MAGEC1: variants seen among roughly 807,000 people sequenced by gnomAD.
The protein encoded by MAGEC1 is melanoma-associated antigen C1.
A neutral mutation model predicts 1.5 loss-of-function variants in MAGEC1; 3 were observed. That is an observed-to-expected ratio of 1.97 (90% CI 0.90 to 5.10). The LOEUF (loss-of-function observed/expected upper bound fraction) is 5.10. MAGEC1 is among the 30% of genes most tolerant of loss of function. The probability of loss-of-function intolerance (pLI) is 0.02; values close to 1 mark genes in which losing one functional copy is unlikely to be tolerated. For missense variants in MAGEC1, 985 were observed against 803.1 expected, an observed-to-expected ratio of 1.23 and a Z score of -2.74; for synonymous variants, 357 against 310.4, an observed-to-expected ratio of 1.15 and a Z score of -1.58.
Position 141,908,668 on chromosome X carries a change from G to C in MAGEC1, c.3264G>C (p.Leu1088Phe), listed in dbSNP as rs1337526888. The stretch of plus-strand genomic sequence containing the variant: ...TTAAGAGGAAAGTAGTAGAGTTTTT[G>C]GCCATGCTAAAGAATACCGTCCCTA... ...EVIKRKVVEF[L>F]AMLKNTVPIT... Residue 1088 changes from leucine to phenylalanine, a missense_variant, in exon 4 of 4, where the codon TTG (leucine) becomes TTC (phenylalanine). Physicochemically the swap from Leu to Phe is conservative, Grantham distance 22. Transcript: ENST00000285879. 1.1e-5 allele frequency: 13 copies of C among 1,209,857 alleles called. No homozygotes were observed. The highest frequency in any genetic ancestry group is 1.3e-5 in the Non-Finnish European group (12 of 895,068).
chrX:141,907,759 C>A lies in MAGEC1; in HGVS notation c.2355C>A (p.Tyr785Ter). 8.3e-7 allele frequency: 1 copy of A among 1,209,807 alleles called. No homozygotes were observed. Among genetic ancestry groups the A allele is most frequent in the Non-Finnish European group, 1.1e-6 (1 of 894,896 alleles). Residue 785 changes from tyrosine (Y) to a stop codon, truncating the protein, a stop_gained, in exon 4 of 4, where the codon TAC becomes TAA. Transcript: ENST00000285879. LOFTEE classifies it low-confidence loss of function (END_TRUNC). Reference sequence around the variant, plus strand: ...GACCTGTCAGCTCCTTCTTCTCCTACACTTTAGCGAGTCTTCTCCAAAGTT... The same window carrying A: ...GACCTGTCAGCTCCTTCTTCTCCTAAACTTTAGCGAGTCTTCTCCAAAGTT... ...LQRPVSSFFS[Y>*]TLASLLQSSH...
At chrX:141,905,230 G>A (rs1379149937) in intron 3 of MAGEC1, among the ~76,000 whole-genome samples, 154 bp downstream of exon 3, 1 of 112,357 alleles carries the variant, frequency 8.9e-6, no homozygotes, top group Admixed American at 9.3e-5. Context: ...CCAGCTTTGA[G>A]CAAGGCTTCC....
rs754073009 is a variant in MAGEC1, at chrX:141,905,390, C to G, written c.5-19C>G. ...TTCTTTCTCATCCTCATCCTCCTCTCTGCTTCTGCGTTCTCCAGGGGACAA... is the reference window on the plus strand; with the variant it reads ...TTCTTTCTCATCCTCATCCTCCTCTGTGCTTCTGCGTTCTCCAGGGGACAA... On this transcript the variant is annotated intron_variant, in intron 3 of 3. Transcript: ENST00000285879. 2 of 1,189,772 alleles carry G rather than the reference C, an allele frequency of 1.7e-6. No homozygotes were observed. The highest frequency in any genetic ancestry group is 1.8e-5 in the African/African-American group (1 of 56,718).
Position 141,907,599 on chromosome X carries a change from AG to A in MAGEC1, c.2200del (p.Glu734ArgfsTer11). 8.3e-7 allele frequency: 1 copy of A among 1,205,676 alleles called. No individual in the cohort carries two copies. The highest frequency in any genetic ancestry group is 1.8e-5 in the African/African-American group (1 of 56,035). On this transcript the variant is annotated frameshift_variant, in exon 4 of 4. Coordinates refer to ENST00000285879, the MANE Select transcript of MAGEC1 (RefSeq NM_005462.5). LOFTEE classifies it low-confidence loss of function (END_TRUNC). ...CTCCACTTTCCTCAGTTTCCTCCTC[AG>A]GGGGAGGACTTCCAGTCTTCTCTCC... ...SPLHFPQFPP[Q>X]GEDFQSSLQS...
rs953662118 is a variant in MAGEC1 at position 141,906,010 on chromosome X, G to C, written c.606G>C (p.Val202=). 1 of 1,210,535 alleles carries C rather than the reference G, an allele frequency of 8.3e-7. No homozygotes were observed. Among genetic ancestry groups the C allele is most frequent in the Non-Finnish European group, 1.1e-6 (1 of 894,452 alleles). ...CCCAGTCTCCACTCCAGATTCCTGT[G>C]AGCCGCTCCTTCTCCTCCACTTTAT... The part of the protein sequence containing the change: ...GFPQSPLQIP[V]SRSFSSTLLS... The change falls in exon 4 of 4, where the codon GTG becomes GTC. Residue 202 remains valine, a synonymous_variant. Transcript: ENST00000285879.
rs2018168455 is a variant in MAGEC1, at chrX:141,904,991, T to C, written c.-82T>C. 1 of 1,202,421 alleles carries C rather than the reference T, an allele frequency of 8.3e-7. No homozygotes were observed. Among genetic ancestry groups the C allele is most frequent in the African/African-American group, 1.8e-5 (1 of 56,917 alleles). ...ACAGGTTCCCAGAAGACAAACCCCCTAGGAAGACAGGCGACCTGTGAGGCC... is the reference window on the plus strand; with the variant it reads ...ACAGGTTCCCAGAAGACAAACCCCCCAGGAAGACAGGCGACCTGTGAGGCC... On this transcript the variant is annotated 5_prime_UTR_variant, in exon 3 of 4. Coordinates refer to ENST00000285879, the MANE Select transcript of MAGEC1 (RefSeq NM_005462.5).
In MAGEC1 at chrX:141,905,804, T is replaced by C. The variant is rs1356010525; in HGVS notation, c.400T>C (p.Ser134Pro). The change falls in exon 4 of 4, where the codon TCC (serine) becomes CCC (proline). Residue 134 changes from serine (S) to proline (P), a missense_variant. Transcript: ENST00000285879. ...VQSPLQNPAS[S>P]FFSSALLSIF... ...GTCTCCTCTGCAGAATCCTGCGAGT[T>C]CCTTCTTCTCCTCTGCTTTATTGAG... 3 of 1,212,160 alleles carry C rather than the reference T, an allele frequency of 2.5e-6. No homozygotes were observed.
rs755147410 is a variant in MAGEC1 at position 141,905,474 on chromosome X, A to G, written c.70A>G (p.Ser24Gly). ...CCAGAGTTCCTCTGAGAGTCCTCAG[A>G]GTTGTCCTGAGGGGGAGGACTCCCA... ...LLQSSSESPQ[S>G]CPEGEDSQSP... is the part of the protein sequence containing the mutation. The change falls in exon 4 of 4, where the codon AGT becomes GGT. Residue 24 changes from serine (S) to glycine (G), a missense_variant. Coordinates refer to ENST00000285879, the MANE Select transcript of MAGEC1 (RefSeq NM_005462.5). The G allele has an allele frequency of 8.3e-7, 1 of 1,209,635 alleles. No individual in the cohort carries two copies. The highest frequency in any genetic ancestry group is 1.7e-5 in the African/African-American group (1 of 57,259).
At chrX:141,905,377 C>T (rs1413903482) in intron 3 of MAGEC1, 32 bp from the exon 4 acceptor site, 1 of 1,163,536 alleles carries the variant, frequency 8.6e-7, no homozygotes, top group Non-Finnish European at 1.2e-6. Flanking sequence ...CTTTCTCATC[C>T]TCATCCTCCT....
rs1926901116 is a variant in MAGEC1, at chrX:141,906,488, CAA to C, written c.1086_1087del (p.Ser363TyrfsTer3). On this transcript the variant is annotated frameshift_variant, in exon 4 of 4. Transcript: ENST00000285879. LOFTEE classifies it low-confidence loss of function (END_TRUNC). Reference protein sequence around the residue: ...SIFQSSPESAQSTFEGFPQSP... With the variant: ...SIFQSSPESAXSTFEGFPQSP... ...TTTCCAGAGTTCTCCTGAGAGTGCT[CAA>C]AGTACTTTTGAGGGTTTTCCCCAGT... The C allele has an allele frequency of 8.4e-7, 1 of 1,195,677 alleles. No homozygotes were observed. The highest frequency in any genetic ancestry group is 1.1e-6 in the Non-Finnish European group (1 of 887,592).
In MAGEC1 at chrX:141,908,534, C is replaced by G. The variant is rs755152921; in HGVS notation, c.3130C>G (p.Leu1044Val). ...TGCCTTTGGGGAGCCCAGGGAGCTC[C>G]TCACTAAAGTTTGGGTGCAGGAACA... Reference protein sequence around the residue: ...HFAFGEPRELLTKVWVQEHYL... With the variant: ...HFAFGEPRELVTKVWVQEHYL... Residue 1044 changes from leucine (L) to valine (V), a missense_variant, in exon 4 of 4, where the codon CTC becomes GTC. Coordinates refer to ENST00000285879, the MANE Select transcript of MAGEC1 (RefSeq NM_005462.5). 1.4e-5 allele frequency: 17 copies of G among 1,193,743 alleles called. No individual in the cohort carries two copies. Among genetic ancestry groups the G allele is most frequent in the Non-Finnish European group, 1.7e-5 (15 of 886,299 alleles).
In MAGEC1 at chrX:141,907,305, C is replaced by CCT. The variant is rs1174216052; in HGVS notation, c.1903_1904dup (p.Thr636ProfsTer110). The stretch of plus-strand genomic sequence containing the variant: ...CAGAGCCCTGTGAGCATCTGCTCCT[C>CCT]CTCCACTCCATCCAGTCTTCCCCAG... On this transcript the variant is annotated frameshift_variant, in exon 4 of 4. Transcript: ENST00000285879. LOFTEE classifies it low-confidence loss of function (END_TRUNC). The CCT allele has an allele frequency of 8.3e-7, 1 of 1,208,504 alleles. No homozygotes were observed. Among genetic ancestry groups the CCT allele is most frequent in the South Asian group, 1.8e-5 (1 of 56,789 alleles).
In MAGEC1 at chrX:141,907,134, C is replaced by G. The variant is rs1191031283; in HGVS notation, c.1730C>G (p.Pro577Arg). 24 of 1,202,536 alleles carry G rather than the reference C, an allele frequency of 2.0e-5. No homozygotes were observed. Among genetic ancestry groups the G allele is most frequent in the Non-Finnish European group, 2.7e-5 (24 of 891,654 alleles). The change falls in exon 4 of 4, where the codon CCT becomes CGT. Residue 577 changes from proline (P) to arginine (R), a missense_variant. Coordinates refer to ENST00000285879, the MANE Select transcript of MAGEC1 (RefSeq NM_005462.5). ...CCTCAGGGGGAGGACTCCCTGTCTCCTCACTACTTTCCTCAGAGCCCTCAG... is the reference window on the plus strand; with the variant it reads ...CCTCAGGGGGAGGACTCCCTGTCTCGTCACTACTTTCCTCAGAGCCCTCAG... Reference protein sequence around the residue: ...SPPQGEDSLSPHYFPQSPQGE... With the variant: ...SPPQGEDSLSRHYFPQSPQGE...
At chrX:141,905,200 C>G in intron 3 of MAGEC1, 124 bp downstream of exon 3, 1 of 1,057,008 alleles carries the variant, frequency 9.5e-7, no homozygotes, top group Non-Finnish European at 1.3e-6. Flanking sequence ...TCATGCCTCT[C>G]TTTCTAAACC....
Position 141,908,285 on chromosome X carries a change from T to C in MAGEC1, c.2881T>C (p.Phe961Leu), listed in dbSNP as rs376091237. The change falls in exon 4 of 4, where the codon TTT (phenylalanine) becomes CTT (leucine). Residue 961 changes from phenylalanine (F) to leucine (L), a missense_variant. By Grantham distance (22) the Phe-to-Leu change is conservative (BLOSUM62 0). Coordinates refer to ENST00000285879, the MANE Select transcript of MAGEC1 (RefSeq NM_005462.5). Reference protein sequence around the residue: ...RKAREFIEILFGISLREVDPD... With the variant: ...RKAREFIEILLGISLREVDPD... ...AGCCCGTGAGTTCATAGAGATACTTTTTGGCATTTCCCTGAGAGAAGTGGA... is the reference window on the plus strand; with the variant it reads ...AGCCCGTGAGTTCATAGAGATACTTCTTGGCATTTCCCTGAGAGAAGTGGA... The C allele has an allele frequency of 1.8e-4, 214 of 1,209,639 alleles. No homozygotes were observed. The highest frequency in any genetic ancestry group is 2.3e-4 in the Non-Finnish European group (206 of 895,165).
Position 141,907,480 on chromosome X carries a change from C to A in MAGEC1, c.2076C>A (p.Leu692=). 1 of 1,206,936 alleles carries A rather than the reference C, an allele frequency of 8.3e-7. No individual in the cohort carries two copies. The highest frequency in any genetic ancestry group is 1.1e-6 in the Non-Finnish European group (1 of 893,538). ...AGGGGGAGGATTCCCTGTCTCCTCT[C>A]CAAATTCCTCAGAGTCCTCTTGAGG... is the stretch of plus-strand genomic sequence containing the variant. ...APEGEDSLSP[L]QIPQSPLEGE... Residue 692 remains leucine (L), a synonymous_variant, in exon 4 of 4, where the codon CTC becomes CTA. Coordinates refer to ENST00000285879, the MANE Select transcript of MAGEC1 (RefSeq NM_005462.5).
rs748490919 is a variant in MAGEC1 at position 141,907,297 on chromosome X, C to T, written c.1893C>T (p.Ile631=). The T allele has an allele frequency of 9.1e-6, 11 of 1,208,580 alleles. No homozygotes were observed. In the South Asian group the frequency reaches 1.9e-4, roughly 21 times the overall value. Residue 631 remains isoleucine, a synonymous_variant, in exon 4 of 4, where the codon ATC becomes ATT. Transcript: ENST00000285879. The part of the protein sequence containing the change: ...FQSSLQSPVS[I]CSSSTPSSLP... ...CTTCTCTCCAGAGCCCTGTGAGCAT[C>T]TGCTCCTCCTCCACTCCATCCAGTC...
At chrX:141,905,279 G>A in intron 3 of MAGEC1, 130 bp from the exon 4 acceptor site, 1 of 827,031 alleles carries the variant, frequency 1.2e-6, no homozygotes, top group Non-Finnish European at 1.8e-6. Context: ...AGATGCAGAG[G>A]ATCCCCCAGA....
In MAGEC1 at chrX:141,907,302, C is replaced by G. The variant is rs1466401951; in HGVS notation, c.1898C>G (p.Ser633Cys). Reference sequence around the variant, plus strand: ...CTCCAGAGCCCTGTGAGCATCTGCTCCTCCTCCACTCCATCCAGTCTTCCC... The same window carrying G: ...CTCCAGAGCCCTGTGAGCATCTGCTGCTCCTCCACTCCATCCAGTCTTCCC... ...SSLQSPVSIC[S>C]SSTPSSLPQS... The change falls in exon 4 of 4, where the codon TCC becomes TGC. Residue 633 changes from serine to cysteine, a missense_variant. By Grantham distance (112) the Ser-to-Cys change is moderately radical. Coordinates refer to ENST00000285879, the MANE Select transcript of MAGEC1 (RefSeq NM_005462.5). The G allele has an allele frequency of 6.6e-6, 8 of 1,208,298 alleles. No homozygotes were observed. The highest frequency in any genetic ancestry group is 1.8e-5 in the African/African-American group (1 of 56,753).
Sources: allele counts gnomAD v4.1 joint callset (sites outside exome capture counted in the v4.1 genomes callset), GRCh38; gene constraint gnomAD v4.1.1; transcripts MANE v1.5; gene names NCBI Gene and HGNC (gene_info 2026-07-23, HGNC 2026-07-21).